Variants in CXCL13 observed in about 807,000 individuals in gnomAD.
CXCL13 encodes the protein C-X-C motif chemokine ligand 13, also known as C-X-C motif chemokine 13.
CXCL13 carries 7 observed loss-of-function variants against 12.2 expected under a neutral mutation model. The ratio of observed to expected loss-of-function variants is 0.57; its 90% CI spans 0.33 to 1.07. The LOEUF is 1.07. Among genes scored for constraint, CXCL13 ranks in the 50% least tolerant of loss-of-function variants. CXCL13 has a pLI of 0.04. For missense variants in CXCL13, 113 were observed against 127.4 expected, an observed-to-expected ratio of 0.89 and a Z score of 0.55; for synonymous variants, 47 against 42.4, an observed-to-expected ratio of 1.11 and a Z score of -0.42.
chr4:77,522,154 G>T (rs976203632), intron 1 of CXCL13, among the ~76,000 whole-genome samples: 1 of 152,060 alleles, frequency 6.6e-6, no homozygotes, highest in African/African-American at 2.4e-5. Context: ...TTGGTATAAG[G>T]GCAATGTGGT....
rs891904279 is a variant in CXCL13 at position 77,565,782 on chromosome 4, A to G, written c.-42-40042A>G. On this transcript the variant is annotated intron_variant, in intron 1 of 4. Transcript: ENST00000286758. ...TTCTACCTCATGTTACAGAGGCAATAGGAAGTGCAGACAGCTGAAGGACAT... is the reference window on the plus strand; with the variant it reads ...TTCTACCTCATGTTACAGAGGCAATGGGAAGTGCAGACAGCTGAAGGACAT... Among the ~76,000 whole-genome samples the G allele has an allele frequency of 2.0e-5, 3 of 152,218 alleles. No individual in the cohort carries two copies. The East Asian group carries it at 5.8e-4, about 29-fold the overall frequency.
chr4:77,551,171 A>G (rs1265824437), intron 1 of CXCL13, among the ~76,000 whole-genome samples: 1 of 152,190 alleles, frequency 6.6e-6, no homozygotes, highest in African/African-American at 2.4e-5. Flanking sequence ...TCATGAAGTT[A>G]GCTCGTTGCT....
chr4:77,556,290 A>T (rs355676), intron 1 of CXCL13, among the ~76,000 whole-genome samples: 101 of 152,338 alleles, frequency 6.6e-4, no homozygotes, highest in African/African-American at 2.3e-3. Flanking sequence ...CAGACTATTG[A>T]TATACAGAGT....
chr4:77,599,507 A>G (rs1255222920), intron 1 of CXCL13, among the ~76,000 whole-genome samples: 1 of 152,208 alleles, frequency 6.6e-6, no homozygotes, highest in Non-Finnish European at 1.5e-5. Flanking sequence ...GTGAAACCCT[A>G]TGGATAAGGA....
chr4:77,580,479 A>G (rs1726302223), intron 1 of CXCL13, among the ~76,000 whole-genome samples: 1 of 149,862 alleles, frequency 6.7e-6, no homozygotes, highest in Admixed American at 6.6e-5. Flanking sequence ...GGCACCCACC[A>G]CCACGCACAG....
At chr4:77,566,784 T>A (rs1725933151) in intron 1 of CXCL13, among the ~76,000 whole-genome samples, 1 of 152,212 alleles carries the variant, frequency 6.6e-6, no homozygotes, top group African/African-American at 2.4e-5. Flanking sequence ...AACCAATCAC[T>A]ACAAAACGTA....
chr4:77,586,261 G>A (rs980632535), intron 1 of CXCL13, among the ~76,000 whole-genome samples: 1 of 151,748 alleles, frequency 6.6e-6, no homozygotes, highest in Non-Finnish European at 1.5e-5. Flanking sequence ...TCCTAGATAA[G>A]CTACTTGTTC....
intron 1 of CXCL13, among the ~76,000 whole-genome samples, chr4:77,556,853 C>CA (rs891863695): frequency 3.3e-5 from 5 of 151,488 alleles, no homozygotes; most frequent in African/African-American, 7.3e-5. Flanking sequence ...CTTGTCCGTA[C>CA]AAAAAAAATT....
At chr4:77,553,570 A>T (rs188624807) in intron 1 of CXCL13, among the ~76,000 whole-genome samples, 3 of 152,346 alleles carry the variant, frequency 2.0e-5, no homozygotes, top group Admixed American at 6.5e-5. Flanking sequence ...GGTGAGTCAC[A>T]GAGATAGGCT....
intron 1 of CXCL13, among the ~76,000 whole-genome samples, chr4:77,586,457 C>G (rs1388945216): frequency 1.3e-5 from 2 of 152,164 alleles, no homozygotes; most frequent in African/African-American, 4.8e-5. Context: ...TACTGCATAT[C>G]TCTTGCCAGG....
At chr4:77,592,508 T>C (rs1463814511) in intron 1 of CXCL13, among the ~76,000 whole-genome samples, 1 of 152,200 alleles carries the variant, frequency 6.6e-6, no homozygotes. Context: ...TTTGACATGA[T>C]GGATATATTA....
chr4:77,596,700 A>G (rs61002664), intron 1 of CXCL13, among the ~76,000 whole-genome samples: 236 of 150,310 alleles, frequency 1.6e-3, no homozygotes, highest in African/African-American at 5.3e-3. Context: ...CAGGAGAATC[A>G]TTGGAACCCG....
intron 1 of CXCL13, among the ~76,000 whole-genome samples, chr4:77,561,193 T>A (rs1040221876): frequency 3.9e-5 from 6 of 152,206 alleles, no homozygotes; most frequent in African/African-American, 1.4e-4. Context: ...GAAACCTTGC[T>A]GCAAAAAGTG....
At chr4:77,545,457 C>T (rs911504042) in intron 1 of CXCL13, among the ~76,000 whole-genome samples, 3 of 152,200 alleles carry the variant, frequency 2.0e-5, no homozygotes, top group South Asian at 2.1e-4. Flanking sequence ...TGAAGAGGTC[C>T]TTCACATCCC....
At position 77,516,214 on chromosome 4, in the gene CXCL13, T is replaced by A. The variant is rs201628042; in HGVS notation, c.-43+4426T>A. The stretch of plus-strand genomic sequence containing the variant: ...GTGCTGCTGGATTCAGTTTGCCAGT[T>A]TTTTATTGAGGATTTTTGCATCAAT... On this transcript the variant is annotated intron_variant, in intron 1 of 4. Coordinates refer to the CXCL13 transcript ENST00000286758. Among the ~76,000 whole-genome samples the A allele has an allele frequency of 4.4e-3, 667 of 152,168 alleles. 17 individuals are homozygous for A. The highest frequency in any genetic ancestry group is 0.026 in the East Asian group (136 of 5,178).
Position 77,561,197 on chromosome 4 carries a change from A to C in CXCL13, c.-42-44627A>C, listed in dbSNP as rs79537667. Among the ~76,000 whole-genome samples, 683 of 152,296 alleles carry C rather than the reference A, an allele frequency of 4.5e-3. 19 individuals are homozygous for C. The highest frequency in any genetic ancestry group is 0.027 in the East Asian group (139 of 5,188). ...TAGAATGGTTTGAAACCTTGCTGCAAAAAGTGTGGTCCATGGACCAGGAAC... is the reference window on the plus strand; with the variant it reads ...TAGAATGGTTTGAAACCTTGCTGCACAAAGTGTGGTCCATGGACCAGGAAC... On this transcript the variant is annotated intron_variant, in intron 1 of 4. Transcript: ENST00000286758.
intron 1 of CXCL13, among the ~76,000 whole-genome samples, chr4:77,594,056 G>C (rs926007550): frequency 6.6e-6 from 1 of 152,192 alleles, no homozygotes; most frequent in Admixed American, 6.5e-5. Context: ...AGGATGTTTT[G>C]CTTTAAAAAG....
In CXCL13 at chr4:77,548,981, G is replaced by A. The variant is rs535164424; in HGVS notation, c.-43+37193G>A. ...TCACTTTCAGGTATACCAATCAAAT[G>A]TAGATTTGGTCTTTTCACATAGTCC... On this transcript the variant is annotated intron_variant, in intron 1 of 4. Coordinates refer to the CXCL13 transcript ENST00000286758. Among the ~76,000 whole-genome samples, 6 of 152,308 alleles carry A rather than the reference G, an allele frequency of 3.9e-5. No individual in the cohort carries two copies. In the East Asian group the frequency reaches 1.2e-3, roughly 29 times the overall value.
At chr4:77,547,284 T>C (rs1215665138) in intron 1 of CXCL13, among the ~76,000 whole-genome samples, 1 of 152,206 alleles carries the variant, frequency 6.6e-6, no homozygotes, top group Non-Finnish European at 1.5e-5. Context: ...CTGGATATCC[T>C]TGTTAATTTT....
Sources: gnomAD v4.1 joint callset for allele counts (sites outside exome capture counted in the v4.1 genomes callset) on GRCh38, gnomAD v4.1.1 for gene constraint, MANE v1.5 for transcripts, NCBI Gene and HGNC (gene_info 2026-07-23, HGNC 2026-07-21) for gene names.